OXNAD1: variants seen among roughly 807,000 people sequenced by gnomAD.
OXNAD1 encodes the protein oxidoreductase NAD binding domain containing 1, also known as oxidoreductase NAD-binding domain-containing protein 1.
A neutral mutation model predicts 32.9 loss-of-function variants in OXNAD1; 34 were observed. The observed-to-expected ratio is 1.03, with a 90% CI of 0.79 to 1.38. The LOEUF (loss-of-function observed/expected upper bound fraction) is 1.38, where lower values mean the gene tolerates loss of function less well. OXNAD1 is among the 40% of genes most tolerant of loss of function. The pLI, the probability that OXNAD1 is intolerant of heterozygous loss-of-function variation, is 0.00. For synonymous variants in OXNAD1, 134 were observed against 135.2 expected (o/e 0.99, Z 0.06); for missense variants, 407 against 379.4 (o/e 1.07, Z -0.60).
Position 16,322,758 on chromosome 3 carries a change from G to A in OXNAD1, c.*31-14354G>A, listed in dbSNP as rs1208371893. 1.3e-5 allele frequency among the ~76,000 whole-genome samples: 2 copies of A among 152,152 alleles called. No individual in the cohort carries two copies. The highest frequency in any genetic ancestry group is 2.9e-5 in the Non-Finnish European group (2 of 68,028). On this transcript the variant is annotated intron_variant, in intron 9 of 9. Coordinates refer to the OXNAD1 transcript ENST00000435829. The surrounding 1 kb of genome is among the most constrained non-coding windows in gnomAD (Gnocchi z 6.2). ...ACTCTCTGAGAAGGCCAGTCTCTGT[G>A]CGACTGTTTCTAGGGTAGTTCAGAG...
At position 16,317,317 on chromosome 3, in the gene OXNAD1, C is replaced by T. The variant is rs1056240583; in HGVS notation, c.*30+13725C>T. Reference sequence around the variant, plus strand: ...AAAGCCTTGTTTGCATTCATACCCACACCATGTCTGAGTGAGACATACAAT... The same window carrying T: ...AAAGCCTTGTTTGCATTCATACCCATACCATGTCTGAGTGAGACATACAAT... On this transcript the variant is annotated intron_variant, in intron 9 of 9. Coordinates refer to the OXNAD1 transcript ENST00000435829. This position sits in a 1 kb window ranked among gnomAD's most constrained non-coding sequence, Gnocchi z 4.3. 7.1e-7 allele frequency: 1 copy of T among 1,406,246 alleles called. No homozygotes were observed. The highest frequency in any genetic ancestry group is 9.8e-7 in the Non-Finnish European group (1 of 1,022,866). 87.1% of individuals were successfully genotyped at this position (1,406,246 alleles called of 1,614,324 possible).
chr3:16,309,164 T>C (rs1446247024), downstream of OXNAD1, among the ~76,000 whole-genome samples: 2 of 152,198 alleles, frequency 1.3e-5, no homozygotes, highest in African/African-American at 4.8e-5. Context: ...CTTCAAATTC[T>C]TGCTATATAC....
chr3:16,300,540 A>C (rs1321475779), intron 6 of OXNAD1, among the ~76,000 whole-genome samples: 1 of 152,244 alleles, frequency 6.6e-6, no homozygotes, highest in Non-Finnish European at 1.5e-5. Context: ...GCTAGAGTCT[A>C]GTCTCAGATC....
Position 16,301,698 on chromosome 3 carries a change from T to C in OXNAD1, c.505T>C (p.Ser169Pro). 1 of 1,614,030 alleles carries C rather than the reference T, an allele frequency of 6.2e-7. No homozygotes were observed. Among genetic ancestry groups the C allele is most frequent in the Non-Finnish European group, 8.5e-7 (1 of 1,179,984 alleles). Residue 169 changes from serine (S) to proline (P), a missense_variant, in exon 7 of 9, where the codon TCT becomes CCT. Coordinates refer to ENST00000285083, the MANE Select transcript of OXNAD1 (RefSeq NM_138381.5). The surrounding 1 kb of genome is among the most constrained non-coding windows in gnomAD (Gnocchi z 4.1). ...FFFDPQPADA[S>P]RNLVLIAGGV... ...CTTTGACCCTCAGCCTGCGGATGCCTCTAGAAACCTCGTGTTGATTGCAGG... is the reference window on the plus strand; with the variant it reads ...CTTTGACCCTCAGCCTGCGGATGCCCCTAGAAACCTCGTGTTGATTGCAGG...
Position 16,320,161 on chromosome 3 carries a change from G to GTCCACT in OXNAD1, c.*30+16572_*30+16577dup, listed in dbSNP as rs1211048419. 1.3e-5 allele frequency among the ~76,000 whole-genome samples: 2 copies of GTCCACT among 152,210 alleles called. No individual in the cohort carries two copies. Among genetic ancestry groups the GTCCACT allele is most frequent in the Non-Finnish European group, 2.9e-5 (2 of 68,036 alleles). ...ACATTTTAAAAACTGCCCATGATGT[G>GTCCACT]TCCACTTCAAGTAGTTTAGCTGGAA... On this transcript the variant is annotated intron_variant, in intron 9 of 9. Coordinates refer to the OXNAD1 transcript ENST00000435829. The surrounding 1 kb of genome is among the most constrained non-coding windows in gnomAD (Gnocchi z 4.5).
At position 16,265,641 on chromosome 3, in the gene OXNAD1, G is replaced by T. The variant is rs2064435698; in HGVS notation, c.-159+136G>T. 6.5e-6 allele frequency: 1 copy of T among 154,112 alleles called. No homozygotes were observed. The highest frequency in any genetic ancestry group is 6.5e-5 in the Admixed American group (1 of 15,282). The allele number at this position is 154,112 out of a possible 1,614,324, so 9.5% of individuals were successfully genotyped here. A position where few individuals can be genotyped will look rare whatever the true frequency, so the allele number is the denominator to read the frequency against. ...GGCTTATAACATTATTAACGACGAT[G>T]ATTTTTAGTAATAGTAATAACATCA... On this transcript the variant is annotated intron_variant, in intron 1 of 8. Coordinates refer to ENST00000285083, the MANE Select transcript of OXNAD1 (RefSeq NM_138381.5). This position sits in a 1 kb window ranked among gnomAD's most constrained non-coding sequence, Gnocchi z 4.8.
At chr3:16,268,313 CTTTTTTTTTTTTTTTTTTTTT>C (rs531751365) in intron 1 of OXNAD1, among the ~76,000 whole-genome samples, 6,271 of 61,740 alleles carry the variant, frequency 0.1, 585 homozygotes, top group African/African-American at 0.28. Flanking sequence ...AAGAGAACTC[CTTTTTTTTTTTTTTTTTTTTT>C]TTTTTTTTTT....
chr3:16,301,516 A>G lies in OXNAD1; in HGVS notation c.433-110A>G, dbSNP rs185679691. 220 of 1,286,414 alleles carry G rather than the reference A, an allele frequency of 1.7e-4. No individual in the cohort carries two copies. In the African/African-American group the frequency reaches 3.0e-3, roughly 17 times the overall value. The allele number at this position is 1,286,414 out of a possible 1,614,324, so 79.7% of individuals were successfully genotyped here. On this transcript the variant is annotated intron_variant, in intron 6 of 8. Coordinates refer to ENST00000285083, the MANE Select transcript of OXNAD1 (RefSeq NM_138381.5). This position sits in a 1 kb window ranked among gnomAD's most constrained non-coding sequence, Gnocchi z 4.1. ...AAAATTGGGAGCAAGCTATAAAAATAGTCTTAAATACTGATAATACAGGAG... is the reference window on the plus strand; with the variant it reads ...AAAATTGGGAGCAAGCTATAAAAATGGTCTTAAATACTGATAATACAGGAG...
chr3:16,282,345 C>A (rs796515718), intron 4 of OXNAD1, among the ~76,000 whole-genome samples: 20 of 144,994 alleles, frequency 1.4e-4, no homozygotes, highest in African/African-American at 4.9e-4. Flanking sequence ...CTGTAGTGTT[C>A]TCTTCCCCTA....
intron 1 of OXNAD1, among the ~76,000 whole-genome samples, chr3:16,266,141 A>G (rs1234313749): frequency 1.3e-5 from 2 of 152,154 alleles, no homozygotes; most frequent in East Asian, 3.8e-4. Context: ...GCAACTGGAT[A>G]TTTACATTCT....
downstream of OXNAD1, among the ~76,000 whole-genome samples, chr3:16,306,835 TATA>T (rs2125111971): frequency 6.6e-6 from 1 of 152,368 alleles, no homozygotes; most frequent in East Asian, 1.9e-4. Flanking sequence ...ACATGAGGCA[TATA>T]ATGTCTGTCC....
At position 16,330,262 on chromosome 3, in the gene OXNAD1, C is replaced by T. The variant is rs60813833; in HGVS notation, c.*31-6850C>T. Among the ~76,000 whole-genome samples the T allele has an allele frequency of 3.6e-4, 55 of 152,306 alleles. 1 individual carries two copies. In the East Asian group the frequency reaches 0.01, roughly 28 times the overall value. On this transcript the variant is annotated intron_variant, in intron 9 of 9. Coordinates refer to the OXNAD1 transcript ENST00000435829. ...GATGTTGCACTCTGCCAGACTCTCC[C>T]ACTCCGACTATTTGGAATGGTCTTG...
chr3:16,337,192 G>C lies in OXNAD1; in HGVS notation c.*111G>C, dbSNP rs902310225. ...CCTGTGGCCCTGCTAAGCAGCAGAC[G>C]TGAGAGATGCCATCTTGGAGCTGCT... On this transcript the variant is annotated 3_prime_UTR_variant, in exon 10 of 10. Transcript: ENST00000435829. This position sits in a 1 kb window ranked among gnomAD's most constrained non-coding sequence, Gnocchi z 5.0. 1 of 152,230 alleles carries C rather than the reference G, an allele frequency of 6.6e-6. No homozygotes were observed. Among genetic ancestry groups the C allele is most frequent in the Admixed American group, 6.5e-5 (1 of 15,288 alleles). 9.4% of individuals were successfully genotyped at this position (152,230 alleles called of 1,614,324 possible).
intron 1 of OXNAD1, among the ~76,000 whole-genome samples, chr3:16,266,156 G>C (rs192408362): frequency 6.6e-6 from 1 of 152,236 alleles, no homozygotes; most frequent in East Asian, 1.9e-4. Context: ...CATTCTTTGG[G>C]CCTTATTTCC....
intron 9 of OXNAD1, among the ~76,000 whole-genome samples, chr3:16,343,110 G>T (rs1401496948): frequency 6.6e-6 from 1 of 152,178 alleles, no homozygotes; most frequent in East Asian, 1.9e-4. Context: ...CTCCCAAAGA[G>T]CTGGGATTAC....
In OXNAD1 at chr3:16,344,645, C is replaced by A. The variant is rs1256447420; in HGVS notation, c.*31-4531C>A. Among the ~76,000 whole-genome samples the A allele has an allele frequency of 6.6e-6, 1 of 152,140 alleles. No homozygotes were observed. Among genetic ancestry groups the A allele is most frequent in the Non-Finnish European group, 1.5e-5 (1 of 68,032 alleles). On this transcript the variant is annotated intron_variant, in intron 9 of 9. Transcript: ENST00000606098. The surrounding 1 kb of genome is among the most constrained non-coding windows in gnomAD (Gnocchi z 4.4). Reference sequence around the variant, plus strand: ...ACCTTCTAGATCACTGCACAAGCCCCTGAAAAAGATGTGAAACAGGCCAAG... The same window carrying A: ...ACCTTCTAGATCACTGCACAAGCCCATGAAAAAGATGTGAAACAGGCCAAG...
chr3:16,267,146 C>G (rs184909546), intron 1 of OXNAD1, among the ~76,000 whole-genome samples: 1 of 152,294 alleles, frequency 6.6e-6, no homozygotes, highest in Non-Finnish European at 1.5e-5. Flanking sequence ...CACACCCTGC[C>G]TAATGTATCA....
Position 16,303,386 on chromosome 3 carries a change from T to C in OXNAD1, c.785-22T>C. 1.9e-6 allele frequency: 3 copies of C among 1,612,244 alleles called. No homozygotes were observed. The South Asian group carries it at 3.3e-5, about 18-fold the overall frequency. On this transcript the variant is annotated intron_variant, in intron 8 of 8. Coordinates refer to ENST00000285083, the MANE Select transcript of OXNAD1 (RefSeq NM_138381.5). The surrounding 1 kb of genome is among the most constrained non-coding windows in gnomAD (Gnocchi z 4.8). ...TACAACCATGTCTGGCTTAATTTGGTGTTTATTCTGGTTTTTGGTAGAAGG... is the reference window on the plus strand; with the variant it reads ...TACAACCATGTCTGGCTTAATTTGGCGTTTATTCTGGTTTTTGGTAGAAGG...
intron 9 of OXNAD1, among the ~76,000 whole-genome samples, chr3:16,313,059 T>G (rs115168379): frequency 0.059 from 8,910 of 152,082 alleles, 857 homozygotes; most frequent in African/African-American, 0.2. Flanking sequence ...ATCTTTTTTT[T>G]TTTTTTGACA....
Sources: allele counts gnomAD v4.1 joint callset (sites outside exome capture counted in the v4.1 genomes callset), GRCh38; gene constraint gnomAD v4.1.1; non-coding constraint Gnocchi (gnomAD v3.1); transcripts MANE v1.5; gene names NCBI Gene and HGNC (gene_info 2026-07-23, HGNC 2026-07-21).